SLIT2: variants seen among roughly 807,000 people sequenced by gnomAD.
SLIT2 encodes the protein slit guidance ligand 2.
Under a neutral mutation model 185.7 loss-of-function variants are expected in SLIT2, and 41 were observed. That is an observed-to-expected ratio of 0.22 (90% CI 0.17 to 0.29). The LOEUF (loss-of-function observed/expected upper bound fraction) is 0.29. SLIT2 is among the 10% of genes least tolerant of loss of function. The probability of loss-of-function intolerance (pLI) is 1.00; values close to 1 mark genes in which losing one functional copy is unlikely to be tolerated. For synonymous variants in SLIT2, 693 were observed against 680.2 expected, an observed-to-expected ratio of 1.02 and a Z score of -0.29; for missense variants, 1,571 against 1,909.0, an observed-to-expected ratio of 0.82 and a Z score of 3.30.
intron 4 of SLIT2, among the ~76,000 whole-genome samples, chr4:20,312,069 T>C (rs1027876312): frequency 1.3e-5 from 2 of 152,240 alleles, no homozygotes; most frequent in Admixed American, 6.5e-5. Flanking sequence ...TTTATGACCA[T>C]GATAGTTTAT....
intron 9 of SLIT2, among the ~76,000 whole-genome samples, chr4:20,503,679 C>G (rs1467328472): frequency 6.6e-6 from 1 of 152,062 alleles, no homozygotes; most frequent in Non-Finnish European, 1.5e-5. Flanking sequence ...AAAAGGTGCA[C>G]ACATAGATAT....
Position 20,546,045 on chromosome 4 carries a change from A to G in SLIT2, c.2291A>G (p.Asn764Ser). The G allele has an allele frequency of 6.3e-7, 1 of 1,575,822 alleles. No homozygotes were observed. ...RDVTELYLDG[N>S]QFTLVPKELS... is the part of the protein sequence containing the mutation. ...ATTGTTTTTAGGTATCTGGATGGAA[A>G]CCAATTTACACTGGTTCCCAAGGAA... Residue 764 changes from asparagine (N) to serine (S), a missense_variant, in exon 22 of 37, where the codon AAC (asparagine) becomes AGC (serine). Around this residue, in one of 3 missense-constraint regions of SLIT2, gnomAD observed 1,202 missense variants for 1,416.4 expected, o/e 0.85. Transcript: ENST00000504154.
intron 29 of SLIT2, among the ~76,000 whole-genome samples, chr4:20,571,716 G>A (rs903928437): frequency 6.6e-6 from 1 of 152,204 alleles, no homozygotes; most frequent in Non-Finnish European, 1.5e-5. Context: ...GAATATAATA[G>A]TGTTGTCAGT....
chr4:20,516,572 T>C (rs1278472219), intron 11 of SLIT2, among the ~76,000 whole-genome samples: 4 of 152,318 alleles, frequency 2.6e-5, no homozygotes, highest in South Asian at 2.1e-4. Flanking sequence ...GGCCTTCTCT[T>C]AGTTTATATC....
rs749651492 is a variant in SLIT2, at chr4:20,596,629, C to T, written c.3535C>T (p.Arg1179Trp). The change falls in exon 32 of 37, where the codon CGG becomes TGG. Residue 1179 changes from arginine (R) to tryptophan (W), a missense_variant. Arg to Trp is a moderately radical substitution (Grantham distance 101). This residue lies in a region of SLIT2 where 146 missense variants were observed against 247.4 expected (regional missense o/e 0.59). Coordinates refer to ENST00000504154, the MANE Select transcript of SLIT2 (RefSeq NM_004787.4). ...SYLQIPSAKV[R>W]PQTNITLQIA... is the part of the protein sequence containing the mutation. Reference sequence around the variant, plus strand: ...TCTTCAGATTCCTTCAGCCAAGGTTCGGCCTCAGACGAACATAACACTTCA... The same window carrying T: ...TCTTCAGATTCCTTCAGCCAAGGTTTGGCCTCAGACGAACATAACACTTCA... 9.3e-6 allele frequency: 15 copies of T among 1,613,270 alleles called. No homozygotes were observed. Among genetic ancestry groups the T allele is most frequent in the South Asian group, 3.3e-5 (3 of 91,052 alleles).
chr4:20,271,763 G>A (rs1170907306), intron 4 of SLIT2, among the ~76,000 whole-genome samples: 1 of 151,896 alleles, frequency 6.6e-6, no homozygotes, highest in Non-Finnish European at 1.5e-5. Flanking sequence ...CGCATTGTTT[G>A]CTTAGATTAA....
chr4:20,338,712 G>A (rs1577459127), intron 4 of SLIT2, among the ~76,000 whole-genome samples: 2 of 152,290 alleles, frequency 1.3e-5, no homozygotes, highest in East Asian at 3.9e-4. Context: ...GGAGACAGCA[G>A]GGAGGGGTTC....
intron 5 of SLIT2, among the ~76,000 whole-genome samples, chr4:20,479,193 C>T (rs1023709614): frequency 2.6e-5 from 4 of 152,194 alleles, no homozygotes; most frequent in Non-Finnish European, 5.9e-5. Flanking sequence ...ATTGTGTCCC[C>T]TAGAGAACTT....
At chr4:20,571,461 C>T (rs1189588776) in intron 29 of SLIT2, among the ~76,000 whole-genome samples, 4 of 152,088 alleles carry the variant, frequency 2.6e-5, no homozygotes, top group Non-Finnish European at 4.4e-5. Context: ...TTTTTGTGCA[C>T]ACATGAAATG....
At chr4:20,605,084 T>C (rs1728683502) in intron 33 of SLIT2, among the ~76,000 whole-genome samples, 1 of 152,088 alleles carries the variant, frequency 6.6e-6, no homozygotes, top group Non-Finnish European at 1.5e-5. Context: ...TCCACCCACC[T>C]TGGCCTCCCA....
At chr4:20,258,603 C>A (rs972914344) in intron 3 of SLIT2, among the ~76,000 whole-genome samples, 1 of 151,588 alleles carries the variant, frequency 6.6e-6, no homozygotes, top group Non-Finnish European at 1.5e-5. Context: ...TTTTAAGATA[C>A]GTTTTTTACA....
At chr4:20,287,179 G>C (rs1188526252) in intron 4 of SLIT2, among the ~76,000 whole-genome samples, 1 of 152,100 alleles carries the variant, frequency 6.6e-6, no homozygotes, top group Non-Finnish European at 1.5e-5. Flanking sequence ...AGCTACTCTT[G>C]AGCCTATGGA....
chr4:20,593,360 G>C (rs1459740998), intron 30 of SLIT2, among the ~76,000 whole-genome samples: 2 of 152,120 alleles, frequency 1.3e-5, no homozygotes, highest in Non-Finnish European at 2.9e-5. Context: ...TTTATGCTAA[G>C]TGAAATAGGC....
At chr4:20,389,131 A>G (rs1215398680) in intron 4 of SLIT2, among the ~76,000 whole-genome samples, 1 of 151,122 alleles carries the variant, frequency 6.6e-6, no homozygotes, top group Non-Finnish European at 1.5e-5. Context: ...TTATTTTTCA[A>G]GCGTATGATA....
rs1408950754 is a variant in SLIT2 at position 20,486,223 on chromosome 4, C to T, written c.563C>T (p.Thr188Ile). 2 of 1,604,694 alleles carry T rather than the reference C, an allele frequency of 1.2e-6. No individual in the cohort carries two copies. Among genetic ancestry groups the T allele is most frequent in the Non-Finnish European group, 1.7e-6 (2 of 1,171,938 alleles). The change falls in exon 7 of 37, where the codon ACT (threonine) becomes ATT (isoleucine). Residue 188 changes from threonine (T) to isoleucine (I), a missense_variant. Physicochemically the swap from Thr to Ile is moderately conservative, Grantham distance 89. Transcript: ENST00000504154. ...AGCACTCTCAACAATAACAACATTACTAGACTTTCTGTGGCAAGTTTCAAC... is the reference window on the plus strand; with the variant it reads ...AGCACTCTCAACAATAACAACATTATTAGACTTTCTGTGGCAAGTTTCAAC... ...EVLTLNNNNI[T>I]RLSVASFNHM...
intron 4 of SLIT2, among the ~76,000 whole-genome samples, chr4:20,373,910 A>G (rs1577525187): frequency 6.6e-6 from 1 of 152,102 alleles, no homozygotes; most frequent in South Asian, 2.1e-4. Flanking sequence ...ATTTTCAGTG[A>G]GAGGAACAAT....
At chr4:20,460,577 C>A (rs918684820) in intron 4 of SLIT2, among the ~76,000 whole-genome samples, 1 of 152,240 alleles carries the variant, frequency 6.6e-6, no homozygotes, top group Non-Finnish European at 1.5e-5. Flanking sequence ...GGAACTTATT[C>A]CTCCTGTGTA....
In SLIT2 at chr4:20,533,636, A is replaced by G. The variant is rs1234992702; in HGVS notation, c.1753A>G (p.Asn585Asp). ...AGCATTTGAAGGAGCATCTGGTGTA[A>G]ATGAAATACTTCTTACGAGTAATCG... ...EGAFEGASGVNEILLTSNRLE... is the reference protein window; with the variant it reads ...EGAFEGASGVDEILLTSNRLE... Residue 585 changes from asparagine to aspartate, a missense_variant, in exon 18 of 37, where the codon AAT becomes GAT. Transcript: ENST00000504154. 6.2e-7 allele frequency: 1 copy of G among 1,611,800 alleles called. No individual in the cohort carries two copies.
intron 14 of SLIT2, among the ~76,000 whole-genome samples, chr4:20,524,794 T>C (rs1360039417): frequency 6.6e-6 from 1 of 150,480 alleles, no homozygotes; most frequent in Admixed American, 6.6e-5. Context: ...TGATATTAAA[T>C]GAAAGGCTGC....
Sources: gnomAD v4.1 joint callset for allele counts (sites outside exome capture counted in the v4.1 genomes callset) on GRCh38, gnomAD v4.1.1 for gene constraint, gnomAD v4.1.1 regional missense constraint, MANE v1.5 for transcripts, NCBI Gene and HGNC (gene_info 2026-07-23, HGNC 2026-07-21) for gene names.